The following EIF2B2 variants were observed in gnomAD, a reference collection of about 807,000 sequenced individuals.
The protein encoded by EIF2B2 is translation initiation factor eIF2B subunit beta.
Under a neutral mutation model 34.7 loss-of-function variants are expected in EIF2B2, and 34 were observed. The ratio of observed to expected loss-of-function variants is 0.98; its 90% confidence interval spans 0.75 to 1.31. The LOEUF (loss-of-function observed/expected upper bound fraction) is 1.31. Ranked by LOEUF, EIF2B2 falls within the 50% of genes most tolerant of loss-of-function variation. The pLI is 0.00. For synonymous variants in EIF2B2, 155 were observed against 171.6 expected (o/e 0.90, Z 0.76); for missense variants, 361 against 447.7 (o/e 0.81, Z 1.75).
chr14:75,008,989 G>A, intron 7 of EIF2B2, 42 bp from the exon 8 acceptor site: 2 of 1,613,236 alleles, frequency 1.2e-6, no homozygotes, highest in Non-Finnish European at 8.5e-7. Flanking sequence ...TATGAGAGAG[G>A]GAGCCTCAGT....
intron 7 of EIF2B2, 128 bp downstream of exon 7, chr14:75,007,916 C>A: frequency 1.1e-6 from 1 of 889,846 alleles, no homozygotes; most frequent in Non-Finnish European, 1.8e-6. Context: ...TGTTTTTTAT[C>A]ATACTTCTTG....
Position 75,003,284 on chromosome 14 carries a change from T to C in EIF2B2, c.173T>C (p.Met58Thr), listed in dbSNP as rs1345590216. Residue 58 changes from methionine (M) to threonine (T), a missense_variant, in exon 2 of 8, where the codon ATG becomes ACG. Transcript: ENST00000266126. Reference protein sequence around the residue: ...DHRWSNAGELMELIRREGRRM... With the variant: ...DHRWSNAGELTELIRREGRRM... ...CTCTTTTGGACTGTAGGGGAGCTGATGGAGCTGATCCGCAGAGAGGGCAGG... is the reference window on the plus strand; with the variant it reads ...CTCTTTTGGACTGTAGGGGAGCTGACGGAGCTGATCCGCAGAGAGGGCAGG... The C allele has an allele frequency of 6.2e-7, 1 of 1,613,706 alleles. No individual in the cohort carries two copies. The highest frequency in any genetic ancestry group is 1.1e-5 in the South Asian group (1 of 91,052).
At chr14:75,004,689 A>ATATGTTTTT in intron 3 of EIF2B2, 48 bp from the exon 4 acceptor site, 1 of 146,204 alleles carries the variant, frequency 6.8e-6, no homozygotes, top group Non-Finnish European at 1.0e-5. Flanking sequence ...ATATATATAT[A>ATATGTTTTT]TTTTTTTTTT....
At chr14:75,007,165 CTA>C (rs1454444782) in intron 6 of EIF2B2, 33 of 433,758 alleles carry the variant, frequency 7.6e-5, no homozygotes, top group Non-Finnish European at 1.4e-4. Flanking sequence ...TTATAGGTCT[CTA>C]TTTTTTAAAT....
chr14:75,012,294 G>T lies in EIF2B2; in HGVS notation c.*3106G>T, dbSNP rs760595324. ...AAAAACAACTGTTGTAGCTTGGAGA[G>T]AATTAATAGAACTAGGATTCCATGG... On this transcript the variant is annotated 3_prime_UTR_variant, in exon 8 of 8. Coordinates refer to ENST00000266126, the MANE Select transcript of EIF2B2 (RefSeq NM_014239.4). 6.6e-6 allele frequency: 1 copy of T among 152,046 alleles called. No individual in the cohort carries two copies. Among genetic ancestry groups the T allele is most frequent in the Non-Finnish European group, 1.5e-5 (1 of 68,010 alleles). The allele number at this position is 152,046 out of a possible 1,614,324, so 9.4% of individuals were successfully genotyped here. A position where few individuals can be genotyped will look rare whatever the true frequency, so the allele number is the denominator to read the frequency against.
chr14:75,004,689 A>ATATATATATATATATATATATTTG, intron 3 of EIF2B2, 48 bp from the exon 4 acceptor site: 1 of 146,204 alleles, frequency 6.8e-6, no homozygotes, highest in African/African-American at 7.2e-5. Context: ...ATATATATAT[A>ATATATATATATATATATATATTTG]TTTTTTTTTT....
intron 3 of EIF2B2, 60 bp from the exon 4 acceptor site, chr14:75,004,677 A>ATTTTTTTTTTT: frequency 6.4e-6 from 1 of 157,234 alleles, no homozygotes; most frequent in African/African-American, 1.7e-4. Context: ...ATATATATAT[A>ATTTTTTTTTTT]TATATATATA....
Position 75,009,234 on chromosome 14 carries a change from G to A in EIF2B2, c.*46G>A. On this transcript the variant is annotated 3_prime_UTR_variant, in exon 8 of 8. Coordinates refer to ENST00000266126, the MANE Select transcript of EIF2B2 (RefSeq NM_014239.4). The stretch of plus-strand genomic sequence containing the variant: ...CAGATTGCTTAGGCAGATACAGAAT[G>A]AAGAGGAGACTTGAGTGTTGCTGCT... 6.2e-7 allele frequency: 1 copy of A among 1,610,204 alleles called. No individual in the cohort carries two copies. Among genetic ancestry groups the A allele is most frequent in the South Asian group, 1.1e-5 (1 of 90,902 alleles).
intron 6 of EIF2B2, 108 bp from the exon 7 acceptor site, chr14:75,007,614 G>T: frequency 1.1e-6 from 1 of 904,894 alleles, no homozygotes. Context: ...GCTGCTATAA[G>T]CATCTGTGTA....
Position 75,007,720 on chromosome 14 carries a change from A to T in EIF2B2, c.832-2A>T, listed in dbSNP as rs752278683. On this transcript the variant is annotated splice_acceptor_variant, in intron 6 of 7. Transcript: ENST00000266126. LOFTEE classifies it high-confidence loss of function. The stretch of plus-strand genomic sequence containing the variant: ...AGTTTTTATAAATTTTTTCCTTTTT[A>T]GTTCCCCAATGAAGAAGACTCATTT... 3.1e-6 allele frequency: 5 copies of T among 1,613,416 alleles called. No homozygotes were observed. Among genetic ancestry groups the T allele is most frequent in the Non-Finnish European group, 4.2e-6 (5 of 1,179,682 alleles).
chr14:75,009,165 C>G lies in EIF2B2; in HGVS notation c.1033C>G (p.His345Asp). Residue 345 changes from histidine (H) to aspartate (D), a missense_variant, in exon 8 of 8, where the codon CAT (histidine) becomes GAT (aspartate). His to Asp is a moderately conservative substitution (Grantham distance 81). Coordinates refer to ENST00000266126, the MANE Select transcript of EIF2B2 (RefSeq NM_014239.4). ...CTACCGCCTGATGAGTGAACTCTAC[C>G]ATCCTGATGATCATGTTTTATGACC... ...YIYRLMSELY[H>D]PDDHVL The G allele has an allele frequency of 2.5e-6, 4 of 1,614,058 alleles. No individual in the cohort carries two copies. The highest frequency in any genetic ancestry group is 3.4e-6 in the Non-Finnish European group (4 of 1,179,986).
chr14:75,007,134 G>A, intron 6 of EIF2B2: 1 of 459,514 alleles, frequency 2.2e-6, no homozygotes, highest in Middle Eastern at 3.3e-4. Flanking sequence ...GAAGCTATTT[G>A]CTTTGAAAAC....
intron 2 of EIF2B2, 73 bp downstream of exon 2, chr14:75,003,468 G>T (rs1020267453): frequency 6.2e-7 from 1 of 1,614,076 alleles, no homozygotes; most frequent in Non-Finnish European, 8.5e-7. Flanking sequence ...CCTGCTCGGA[G>T]ACTTTATTGG....
rs560574493 is a variant in EIF2B2 at position 75,009,939 on chromosome 14, C to G, written c.*751C>G. On this transcript the variant is annotated 3_prime_UTR_variant, in exon 8 of 8. Coordinates refer to ENST00000266126, the MANE Select transcript of EIF2B2 (RefSeq NM_014239.4). Reference sequence around the variant, plus strand: ...GGAGGATCACTTGAGCCCATGAGTTCAAGGCTTCAGTGAGCTATCATTGTA... The same window carrying G: ...GGAGGATCACTTGAGCCCATGAGTTGAAGGCTTCAGTGAGCTATCATTGTA... 2 of 152,914 alleles carry G rather than the reference C, an allele frequency of 1.3e-5. No individual in the cohort carries two copies. Among genetic ancestry groups the G allele is most frequent in the East Asian group, 3.9e-4 (2 of 5,192 alleles). The allele number at this position is 152,914 out of a possible 1,614,324, so 9.5% of individuals were successfully genotyped here.
rs1287127063 is a variant in EIF2B2, at chr14:75,006,948, T to G, written c.831+234T>G. The stretch of plus-strand genomic sequence containing the variant: ...TCAAGATTGTAAGGACAATATGTAG[T>G]TGGGAAAGGTCCTTTGCTTACGATT... On this transcript the variant is annotated intron_variant, in intron 6 of 7. Transcript: ENST00000266126. This position sits in a 1 kb window ranked among gnomAD's most constrained non-coding sequence, Gnocchi z 4.1. 4 of 692,964 alleles carry G rather than the reference T, an allele frequency of 5.8e-6. No individual in the cohort carries two copies. In the Admixed American group the frequency reaches 6.2e-5, roughly 11 times the overall value. 42.9% of individuals were successfully genotyped at this position (692,964 alleles called of 1,614,324 possible).
Position 75,003,616 on chromosome 14 carries a change from G to A in EIF2B2, c.350G>A (p.Gly117Asp), listed in dbSNP as rs1889576008. The A allele has an allele frequency of 1.2e-6, 2 of 1,614,184 alleles. No individual in the cohort carries two copies. The highest frequency in any genetic ancestry group is 1.7e-6 in the Non-Finnish European group (2 of 1,180,034). The change falls in exon 3 of 8, where the codon GGC (glycine) becomes GAC (aspartate). Residue 117 changes from glycine (G) to aspartate (D), a missense_variant. By Grantham distance (94) the Gly-to-Asp change is moderately conservative. Coordinates refer to ENST00000266126, the MANE Select transcript of EIF2B2 (RefSeq NM_014239.4). ...CTGCACAAACTGTTGACATCCGGAG[G>A]CCTAAACGAGGATTTCAGCTTCCAT... is the stretch of plus-strand genomic sequence containing the variant. ...ESLHKLLTSG[G>D]LNEDFSFHYA...
In EIF2B2 at chr14:75,009,314, C is replaced by T; in HGVS notation, c.*126C>T. On this transcript the variant is annotated 3_prime_UTR_variant, in exon 8 of 8. Transcript: ENST00000266126. Reference sequence around the variant, plus strand: ...CAGGAGTCCACCTAAAAAAAAAATCCTTGATACTGTTGCCTGCCTTTTTAG... The same window carrying T: ...CAGGAGTCCACCTAAAAAAAAAATCTTTGATACTGTTGCCTGCCTTTTTAG... 1 of 1,213,692 alleles carries T rather than the reference C, an allele frequency of 8.2e-7. No homozygotes were observed. 75.2% of individuals were successfully genotyped at this position (1,213,692 alleles called of 1,614,324 possible).
intron 4 of EIF2B2, among the ~76,000 whole-genome samples, chr14:75,005,363 C>G (rs1316916819): frequency 1.3e-5 from 2 of 148,458 alleles, no homozygotes; most frequent in African/African-American, 5.0e-5. Flanking sequence ...GACGACAGAG[C>G]AAGACTCTGT....
chr14:75,003,490 C>T, intron 2 of EIF2B2, 61 bp from the exon 3 acceptor site: 2 of 1,614,028 alleles, frequency 1.2e-6, no homozygotes, highest in South Asian at 2.2e-5. Context: ...GCTGAACAGC[C>T]CTTGTTACCT....
Sources: allele counts gnomAD v4.1 joint callset (sites outside exome capture counted in the v4.1 genomes callset), GRCh38; gene constraint gnomAD v4.1.1; non-coding constraint Gnocchi (gnomAD v3.1); transcripts MANE v1.5; gene names NCBI Gene and HGNC (gene_info 2026-07-23, HGNC 2026-07-21).